HLTF: variants seen among roughly 807,000 people sequenced by gnomAD.
HLTF encodes the protein DNA-dependent ATPase/E3 ubiquitin-protein ligase HLTF.
A neutral mutation model predicts 129.4 loss-of-function variants in HLTF; 127 were observed. The observed-to-expected ratio is 0.98, with a 90% CI of 0.85 to 1.14. The LOEUF is 1.14. HLTF is among the 50% of genes most tolerant of loss of function. The pLI, the probability that HLTF is intolerant of heterozygous loss-of-function variation, is 0.00. For synonymous variants in HLTF, 332 were observed against 388.8 expected, an observed-to-expected ratio of 0.85 and a Z score of 1.72; for missense variants, 1,139 against 1,187.1, an observed-to-expected ratio of 0.96 and a Z score of 0.60.
intron 16 of HLTF, among the ~76,000 whole-genome samples, chr3:149,048,509 C>G (rs1716733608): frequency 6.6e-6 from 1 of 152,126 alleles, no homozygotes; most frequent in Admixed American, 6.5e-5. Context: ...CATTCTTTTC[C>G]TTACCTTCTA....
intron 19 of HLTF, 28 bp from the exon 20 acceptor site, chr3:149,041,696 CA>C: frequency 6.6e-7 from 1 of 1,512,920 alleles, no homozygotes; most frequent in Non-Finnish European, 9.1e-7. Flanking sequence ...AAATTAATTT[CA>C]GAGCAAGGTT....
Position 149,040,101 on chromosome 3 carries a change from T to C in HLTF, c.2432A>G (p.Glu811Gly). Residue 811 changes from glutamate (E) to glycine (G), a missense_variant, in exon 21 of 25, where the codon GAA becomes GGA. Physicochemically the swap from Glu to Gly is moderately conservative, Grantham distance 98. Coordinates refer to ENST00000310053, the MANE Select transcript of HLTF (RefSeq NM_003071.4). ...ACGTGCTAATTCTTCTGGAGGACAT[T>C]CTAATAAATTATCTTCATGTATATC... ...RNDIHEDNLL[E>G]CPPEELARDS... 6.2e-7 allele frequency: 1 copy of C among 1,610,482 alleles called. No individual in the cohort carries two copies. Among genetic ancestry groups the C allele is most frequent in the Non-Finnish European group, 8.5e-7 (1 of 1,178,210 alleles).
chr3:149,038,809 G>A (rs1311304166), intron 23 of HLTF, among the ~76,000 whole-genome samples: 1 of 152,066 alleles, frequency 6.6e-6, no homozygotes, highest in African/African-American at 2.4e-5. Context: ...CACAGCACCT[G>A]GCCAAAACAG....
intron 23 of HLTF, among the ~76,000 whole-genome samples, chr3:149,036,079 G>A (rs1715591846): frequency 6.6e-6 from 1 of 151,550 alleles, no homozygotes; most frequent in African/African-American, 2.4e-5. Context: ...AGCTGGCAGT[G>A]AGCCGAGATC....
intron 14 of HLTF, among the ~76,000 whole-genome samples, chr3:149,054,973 A>C (rs1211128796): frequency 6.6e-6 from 1 of 152,242 alleles, no homozygotes; most frequent in Non-Finnish European, 1.5e-5. Flanking sequence ...TAGAAAAGAC[A>C]GTTCCAACAG....
At position 149,074,283 on chromosome 3, in the gene HLTF, T is replaced by G; in HGVS notation, c.461A>C (p.Glu154Ala). Residue 154 changes from glutamate to alanine, a missense_variant, in exon 4 of 25, where the codon GAA (glutamate) becomes GCA (alanine). By Grantham distance (107) the Glu-to-Ala change is moderately radical (BLOSUM62 -1). Coordinates refer to ENST00000310053, the MANE Select transcript of HLTF (RefSeq NM_003071.4). Reference sequence around the variant, plus strand: ...ATCTGAAACCGCTTTTCTATTTTCTTCTTTTCCCCAAAAAGTCATATGCAG... The same window carrying G: ...ATCTGAAACCGCTTTTCTATTTTCTGCTTTTCCCCAAAAAGTCATATGCAG... ...MPLHMTFWGK[E>A]ENRKAVSDQL... 6.2e-7 allele frequency: 1 copy of G among 1,613,734 alleles called. No individual in the cohort carries two copies. Among genetic ancestry groups the G allele is most frequent in the Non-Finnish European group, 8.5e-7 (1 of 1,179,812 alleles).
intron 9 of HLTF, among the ~76,000 whole-genome samples, chr3:149,063,966 A>C (rs1718156642): frequency 2.0e-5 from 3 of 152,196 alleles, no homozygotes; most frequent in Admixed American, 6.5e-5. Context: ...AATGATCCAT[A>C]CTACATTGAC....
chr3:149,048,301 T>C, intron 16 of HLTF, 138 bp from the exon 17 acceptor site: 1 of 538,822 alleles, frequency 1.9e-6, no homozygotes, highest in East Asian at 3.1e-5. Flanking sequence ...AATTAAACTA[T>C]CAAGTGTTGA....
intron 15 of HLTF, among the ~76,000 whole-genome samples, chr3:149,049,644 T>G (rs1467817120): frequency 6.6e-6 from 1 of 152,224 alleles, no homozygotes; most frequent in Non-Finnish European, 1.5e-5. Context: ...ATTTACAAAT[T>G]GCTTCATATA....
In HLTF at chr3:149,034,941, T is replaced by C; in HGVS notation, c.2854A>G (p.Lys952Glu). Residue 952 changes from lysine to glutamate, a missense_variant, in exon 24 of 25, where the codon AAG becomes GAG. By Grantham distance (56) the Lys-to-Glu change is moderately conservative. Transcript: ENST00000310053. ...ACTTTTGTGATGATAACTTCTTGCT[T>C]CTGACCAAGTCTATGGCATCTGTCA... is the stretch of plus-strand genomic sequence containing the variant. ...CFDRCHRLGQKQEVIITKFIV... is the reference protein window; with the variant it reads ...CFDRCHRLGQEQEVIITKFIV... 6.2e-7 allele frequency: 1 copy of C among 1,613,688 alleles called. No homozygotes were observed. Among genetic ancestry groups the C allele is most frequent in the Non-Finnish European group, 8.5e-7 (1 of 1,179,562 alleles).
Position 149,084,535 on chromosome 3 carries a change from A to G in HLTF, c.228+147T>C, listed in dbSNP as rs531840846. 6 of 641,816 alleles carry G rather than the reference A, an allele frequency of 9.3e-6. No homozygotes were observed. In the African/African-American group the frequency reaches 1.1e-4, roughly 12 times the overall value. 39.8% of individuals were successfully genotyped at this position (641,816 alleles called of 1,614,324 possible). A position where few individuals can be genotyped will look rare whatever the true frequency, so the allele number is the denominator to read the frequency against. ...GGAGGCTGAGGTGGGAGGGTCACTT[A>G]AGGTATTTGTTATTTTTTGCGTACA... On this transcript the variant is annotated intron_variant, in intron 2 of 24. Coordinates refer to ENST00000310053, the MANE Select transcript of HLTF (RefSeq NM_003071.4).
At position 149,061,343 on chromosome 3, in the gene HLTF, G is replaced by A. The variant is rs189295713; in HGVS notation, c.1161-485C>T. ...GGAGAATGACGTGAAGCCAGGAGAC[G>A]GAGTTTCCAGTGAGCGGAGATTGCG... On this transcript the variant is annotated intron_variant, in intron 10 of 24. Coordinates refer to ENST00000310053, the MANE Select transcript of HLTF (RefSeq NM_003071.4). 6.6e-5 allele frequency among the ~76,000 whole-genome samples: 10 copies of A among 151,754 alleles called. No individual in the cohort carries two copies. In the East Asian group the frequency reaches 1.6e-3, roughly 24 times the overall value.
rs191207694 is a variant in HLTF, at chr3:149,082,142, G to A, written c.228+2540C>T. On this transcript the variant is annotated intron_variant, in intron 2 of 24. Transcript: ENST00000310053. ...TCAATGTATATGAAGTTCTAGAATAGGCAAAACTTATTTATAGTGATAGAA... is the reference window on the plus strand; with the variant it reads ...TCAATGTATATGAAGTTCTAGAATAAGCAAAACTTATTTATAGTGATAGAA... Among the ~76,000 whole-genome samples, 149 of 152,258 alleles carry A rather than the reference G, an allele frequency of 9.8e-4. 1 individual carries two copies. Among genetic ancestry groups the A allele is most frequent in the Non-Finnish European group, 1.7e-3 (119 of 68,020 alleles).
At chr3:149,047,027 GAAAC>G (rs1395989152) in intron 17 of HLTF, among the ~76,000 whole-genome samples, 2 of 151,992 alleles carry the variant, frequency 1.3e-5, no homozygotes, top group African/African-American at 2.4e-5. Context: ...ACATACAAAA[GAAAC>G]AAATATTTCA....
At position 149,084,814 on chromosome 3, in the gene HLTF, A is replaced by G. The variant is rs749451509; in HGVS notation, c.96T>C (p.Thr32=). The G allele has an allele frequency of 2.5e-6, 4 of 1,614,134 alleles. No individual in the cohort carries two copies. The highest frequency in any genetic ancestry group is 3.4e-6 in the Non-Finnish European group (4 of 1,179,980). The part of the protein sequence containing the change: ...HGNFPRLSYP[T]FFPRFEFQDV... The stretch of plus-strand genomic sequence containing the variant: ...CTTGGAATTCAAAACGTGGAAAGAA[A>G]GTTGGATATGAGAGGCGTGGAAAAT... Residue 32 remains threonine (T), a synonymous_variant, in exon 2 of 25, where the codon ACT becomes ACC. Transcript: ENST00000310053.
rs137866464 is a variant in HLTF at position 149,046,159 on chromosome 3, T to C, written c.1993A>G (p.Ile665Val). Residue 665 changes from isoleucine to valine, a missense_variant, in exon 18 of 25, where the codon ATT (isoleucine) becomes GTT (valine). By Grantham distance (29) the Ile-to-Val change is conservative (BLOSUM62 3). Transcript: ENST00000310053. ...VLELPERKVF[I>V]QHITLSDEER... ...TCATCTGAAAGTGTAATGTGCTGAA[T>C]AAATACTTTACGTTCTGGTAACTCC... 6.2e-7 allele frequency: 1 copy of C among 1,610,758 alleles called. No homozygotes were observed. Among genetic ancestry groups the C allele is most frequent in the Non-Finnish European group, 8.5e-7 (1 of 1,177,830 alleles).
At chr3:149,082,719 T>A (rs192305062) in intron 2 of HLTF, among the ~76,000 whole-genome samples, 16 of 151,970 alleles carry the variant, frequency 1.1e-4, no homozygotes, top group Middle Eastern at 3.4e-3. Flanking sequence ...AAAGATAGTA[T>A]CTCAATTTTT....
intron 3 of HLTF, among the ~76,000 whole-genome samples, chr3:149,075,541 C>G (rs759833974): frequency 1.8e-4 from 27 of 151,282 alleles, no homozygotes; most frequent in Non-Finnish European, 3.4e-4. Flanking sequence ...GAGACTTCGT[C>G]TCAAAATAAA....
At chr3:149,041,021 G>A (rs1716090175) in intron 20 of HLTF, among the ~76,000 whole-genome samples, 2 of 152,002 alleles carry the variant, frequency 1.3e-5, no homozygotes, top group African/African-American at 4.8e-5. Flanking sequence ...AATCACATGG[G>A]GCAATTACGT....
Sources: allele counts gnomAD v4.1 joint callset (sites outside exome capture counted in the v4.1 genomes callset), GRCh38; gene constraint gnomAD v4.1.1; transcripts MANE v1.5; gene names NCBI Gene and HGNC (gene_info 2026-07-23, HGNC 2026-07-21).